The following RCAN2 variants were observed in gnomAD, a reference collection of about 807,000 sequenced individuals.
RCAN2 encodes regulator of calcineurin 2, also known as calcipressin-2.
In RCAN2, 9 loss-of-function variants were observed where a neutral mutation model predicts 23.6. The ratio of observed to expected loss-of-function variants is 0.38; its 90% CI spans 0.23 to 0.67. The LOEUF (loss-of-function observed/expected upper bound fraction) is 0.67, where lower values mean the gene tolerates loss of function less well. Among genes scored for constraint, RCAN2 ranks in the 30% least tolerant of loss-of-function variants. The pLI, the probability that RCAN2 is intolerant of heterozygous loss-of-function variation, is 0.51. For synonymous variants in RCAN2, 109 were observed against 115.7 expected, an observed-to-expected ratio of 0.94 and a Z score of 0.37; for missense variants, 273 against 302.3, an observed-to-expected ratio of 0.90 and a Z score of 0.72.
intron 2 of RCAN2, among the ~76,000 whole-genome samples, chr6:46,261,690 T>TTCTGGGCTGGATGCA (rs1767114016): frequency 6.6e-6 from 1 of 152,214 alleles, no homozygotes; most frequent in Admixed American, 6.5e-5. Context: ...ATTATAGGAA[T>TTCTGGGCTGGATGCA]GTCAGCAAAA....
At chr6:46,418,457 C>T (rs1430608655) in intron 2 of RCAN2, among the ~76,000 whole-genome samples, 1 of 151,894 alleles carries the variant, frequency 6.6e-6, no homozygotes, top group Non-Finnish European at 1.5e-5. Context: ...TCATATCCCA[C>T]CCCTCCTTAC....
intron 2 of RCAN2, among the ~76,000 whole-genome samples, chr6:46,283,556 G>A (rs1290144120): frequency 1.3e-5 from 2 of 152,172 alleles, no homozygotes; most frequent in Admixed American, 6.6e-5. Flanking sequence ...GAAGTCAGTG[G>A]CAAGGACAAG....
At chr6:46,242,451 C>T (rs143019953) in intron 4 of RCAN2, among the ~76,000 whole-genome samples, 1 of 152,210 alleles carries the variant, frequency 6.6e-6, no homozygotes, top group African/African-American at 2.4e-5. Flanking sequence ...TGCTCCATAA[C>T]GTTCTTTCTT....
chr6:46,280,069 T>A (rs1369667985), intron 2 of RCAN2, among the ~76,000 whole-genome samples: 2 of 152,068 alleles, frequency 1.3e-5, no homozygotes, highest in Non-Finnish European at 2.9e-5. Flanking sequence ...AGGAACAGAA[T>A]CCATGCCTTA....
chr6:46,345,047 C>T (rs1372264792), intron 2 of RCAN2, among the ~76,000 whole-genome samples: 3 of 151,872 alleles, frequency 2.0e-5, no homozygotes, highest in Non-Finnish European at 4.4e-5. Flanking sequence ...TCTAAAGACA[C>T]AGACTGGTTG....
intron 2 of RCAN2, among the ~76,000 whole-genome samples, chr6:46,278,680 C>T (rs760523011): frequency 6.6e-6 from 1 of 152,224 alleles, no homozygotes; most frequent in Admixed American, 6.5e-5. Context: ...CTCGTTTCAT[C>T]TGGAACATTC....
intron 4 of RCAN2, among the ~76,000 whole-genome samples, chr6:46,228,785 G>T (rs1457618936): frequency 2.6e-5 from 4 of 151,710 alleles, no homozygotes; most frequent in African/African-American, 9.7e-5. Flanking sequence ...ATTTAACATT[G>T]TTATGTGTGA....
At chr6:46,329,193 T>A (rs964172649) in intron 2 of RCAN2, among the ~76,000 whole-genome samples, 3 of 152,206 alleles carry the variant, frequency 2.0e-5, no homozygotes, top group African/African-American at 4.8e-5. Flanking sequence ...AATATTCAGA[T>A]CTCTTCATGG....
At chr6:46,429,660 G>C (rs1767130927) in intron 2 of RCAN2, among the ~76,000 whole-genome samples, 1 of 152,116 alleles carries the variant, frequency 6.6e-6, no homozygotes, top group Non-Finnish European at 1.5e-5. Flanking sequence ...CACTGTGCCA[G>C]GTGCTAGAGA....
chr6:46,439,530 C>A (rs1767469109), intron 2 of RCAN2, among the ~76,000 whole-genome samples: 2 of 152,296 alleles, frequency 1.3e-5, no homozygotes, highest in South Asian at 4.2e-4. Context: ...AATACATACG[C>A]TTTGCACCAC....
At chr6:46,427,813 G>C (rs1377090362) in intron 2 of RCAN2, among the ~76,000 whole-genome samples, 4 of 152,258 alleles carry the variant, frequency 2.6e-5, no homozygotes, top group African/African-American at 4.8e-5. Context: ...GTTTATGGCA[G>C]ACATTGTCTG....
chr6:46,394,627 C>G (rs971401403), intron 2 of RCAN2, among the ~76,000 whole-genome samples: 2 of 152,124 alleles, frequency 1.3e-5, no homozygotes, highest in African/African-American at 4.8e-5. Context: ...AGTAGATTAC[C>G]TAGGACTTTA....
chr6:46,371,659 T>C, intron 2 of RCAN2, among the ~76,000 whole-genome samples: 1 of 152,246 alleles, frequency 6.6e-6, no homozygotes, highest in Non-Finnish European at 1.5e-5. Flanking sequence ...TAGATGCCCA[T>C]AGTCAGCCAA....
At chr6:46,337,770 G>C (rs1404175568) in intron 2 of RCAN2, among the ~76,000 whole-genome samples, 1 of 152,210 alleles carries the variant, frequency 6.6e-6, no homozygotes, top group Non-Finnish European at 1.5e-5. Context: ...CTGAAGGTCA[G>C]TGTCATTCTA....
intron 2 of RCAN2, among the ~76,000 whole-genome samples, chr6:46,257,569 G>A (rs1033233629): frequency 5.3e-5 from 8 of 152,092 alleles, no homozygotes; most frequent in East Asian, 1.9e-4. Context: ...GGGAAGAGCC[G>A]CTTATGAAAC....
At chr6:46,320,714 C>T (rs1428717706) in intron 2 of RCAN2, among the ~76,000 whole-genome samples, 2 of 152,078 alleles carry the variant, frequency 1.3e-5, no homozygotes, top group Admixed American at 1.3e-4. Flanking sequence ...CTTAAAAAGG[C>T]CTTGGCCTTT....
At chr6:46,282,493 CAAACA>C (rs1040376968) in intron 2 of RCAN2, among the ~76,000 whole-genome samples, 1 of 151,824 alleles carries the variant, frequency 6.6e-6, no homozygotes, top group Non-Finnish European at 1.5e-5. Flanking sequence ...AACAAACAAA[CAAACA>C]AACAAACAAA....
chr6:46,383,327 G>A (rs1200165210), intron 2 of RCAN2, among the ~76,000 whole-genome samples: 1 of 151,942 alleles, frequency 6.6e-6, no homozygotes, highest in Non-Finnish European at 1.5e-5. Context: ...GGAGGAGGAA[G>A]CGTATCTGGG....
At position 46,222,150 on chromosome 6, in the gene RCAN2, C is replaced by T; in HGVS notation, c.*991G>A. 2.5e-6 allele frequency: 1 copy of T among 395,608 alleles called. No homozygotes were observed. The highest frequency in any genetic ancestry group is 4.4e-5 in the Admixed American group (1 of 22,666). 24.5% of individuals were successfully genotyped at this position (395,608 alleles called of 1,614,324 possible). ...TGTTTTGTGTCCTTTCAAAATTCAG[C>T]ATTATCCTTATTAGAGTGTAATATT... On this transcript the variant is annotated 3_prime_UTR_variant, in exon 5 of 5. Coordinates refer to ENST00000371374, the MANE Select transcript of RCAN2 (RefSeq NM_001251974.2).
Sources: gnomAD v4.1 joint callset for allele counts (sites outside exome capture counted in the v4.1 genomes callset) on GRCh38, gnomAD v4.1.1 for gene constraint, MANE v1.5 for transcripts, NCBI Gene and HGNC (gene_info 2026-07-23, HGNC 2026-07-21) for gene names.